Variants in CPA6 observed in about 807,000 individuals in gnomAD.
The protein encoded by CPA6 is carboxypeptidase B.
Under a neutral mutation model 63.3 loss-of-function variants are expected in CPA6, and 58 were observed. The ratio of observed to expected loss-of-function variants is 0.92; its 90% confidence interval spans 0.74 to 1.14. The LOEUF is 1.14. Among genes scored for constraint, CPA6 ranks in the 50% most tolerant of loss-of-function variants. The pLI is 0.00. For synonymous variants in CPA6, 185 were observed against 179.0 expected (o/e 1.03, Z -0.27); for missense variants, 565 against 526.6 (o/e 1.07, Z -0.71).
At chr8:67,620,424 TG>T (rs1278878449) in intron 2 of CPA6, among the ~76,000 whole-genome samples, 4 of 152,148 alleles carry the variant, frequency 2.6e-5, no homozygotes, top group African/African-American at 9.7e-5. Flanking sequence ...ATAGAAATCT[TG>T]GGGCTATCTT....
chr8:67,622,777 G>A (rs114692969), intron 2 of CPA6, among the ~76,000 whole-genome samples: 2,083 of 152,252 alleles, frequency 0.014, 47 homozygotes, highest in African/African-American at 0.047. Flanking sequence ...CTTCAGTCAT[G>A]TAGGAAAAAA....
At chr8:67,679,101 T>C (rs1283612061) in intron 1 of CPA6, among the ~76,000 whole-genome samples, 3 of 152,218 alleles carry the variant, frequency 2.0e-5, no homozygotes, top group Non-Finnish European at 4.4e-5. Flanking sequence ...TTGGTACTGG[T>C]AATGTTCTGT....
chr8:67,641,175 C>A (rs1815584696), intron 1 of CPA6, among the ~76,000 whole-genome samples: 1 of 151,758 alleles, frequency 6.6e-6, no homozygotes, highest in Admixed American at 6.5e-5. Context: ...CTAAATTCTG[C>A]CATTACAGAG....
intron 2 of CPA6, among the ~76,000 whole-genome samples, chr8:67,545,961 C>A (rs1812810310): frequency 6.6e-6 from 1 of 152,148 alleles, no homozygotes; most frequent in Admixed American, 6.5e-5. Flanking sequence ...CATCTGAGCT[C>A]TCTGGTCATG....
chr8:67,570,566 G>A (rs1813461536), intron 2 of CPA6, among the ~76,000 whole-genome samples: 1 of 152,192 alleles, frequency 6.6e-6, no homozygotes, highest in African/African-American at 2.4e-5. Context: ...AACATAAAAT[G>A]TGGGAGGGGA....
At chr8:67,605,372 C>T (rs1013636766) in intron 2 of CPA6, among the ~76,000 whole-genome samples, 1 of 152,130 alleles carries the variant, frequency 6.6e-6, no homozygotes, top group Non-Finnish European at 1.5e-5. Flanking sequence ...TGCAGATGCT[C>T]AAGTTCCTGA....
chr8:67,672,858 A>C (rs1049374955), intron 1 of CPA6, among the ~76,000 whole-genome samples: 1 of 152,156 alleles, frequency 6.6e-6, no homozygotes, highest in African/African-American at 2.4e-5. Flanking sequence ...CATTAGCTTT[A>C]AGCTTCTAGG....
chr8:67,518,679 G>C (rs566808832), intron 2 of CPA6, among the ~76,000 whole-genome samples: 1 of 151,400 alleles, frequency 6.6e-6, no homozygotes, highest in Non-Finnish European at 1.5e-5. Flanking sequence ...GCTAATTTTT[G>C]TATTTTTTTT....
chr8:67,624,153 T>C, intron 2 of CPA6, 23 bp downstream of exon 2: 1 of 1,356,790 alleles, frequency 7.4e-7, no homozygotes, highest in Non-Finnish European at 1.1e-6. Flanking sequence ...AATTCTACCA[T>C]AAGTGTGTAG....
At chr8:67,624,114 G>T in intron 2 of CPA6, 62 bp downstream of exon 2, 3 of 990,698 alleles carry the variant, frequency 3.0e-6, no homozygotes, top group South Asian at 1.4e-5. Context: ...ACTCCAGTCA[G>T]CAAATCCCTG....
At chr8:67,643,716 G>C (rs1489998584) in intron 1 of CPA6, among the ~76,000 whole-genome samples, 4 of 152,094 alleles carry the variant, frequency 2.6e-5, no homozygotes, top group African/African-American at 9.7e-5. Flanking sequence ...GGTGTTTGTT[G>C]TATAATTATT....
chr8:67,630,414 C>A (rs1332782686), intron 1 of CPA6, among the ~76,000 whole-genome samples: 1 of 152,092 alleles, frequency 6.6e-6, no homozygotes, highest in African/African-American at 2.4e-5. Flanking sequence ...GCCAACTCCT[C>A]ACAGACAGTG....
chr8:67,476,256 G>A (rs1811234659), intron 8 of CPA6, among the ~76,000 whole-genome samples: 1 of 152,038 alleles, frequency 6.6e-6, no homozygotes, highest in Non-Finnish European at 1.5e-5. Flanking sequence ...GCCCACCTCA[G>A]CCTCCCAAAG....
intron 8 of CPA6, among the ~76,000 whole-genome samples, chr8:67,440,528 G>C (rs1162215420): frequency 1.3e-5 from 2 of 152,084 alleles, no homozygotes; most frequent in Non-Finnish European, 2.9e-5. Flanking sequence ...CCAAGATCGT[G>C]CCACTGTACT....
chr8:67,535,533 C>G (rs1020298149), intron 2 of CPA6, among the ~76,000 whole-genome samples: 2 of 152,104 alleles, frequency 1.3e-5, no homozygotes, highest in African/African-American at 2.4e-5. Context: ...CTGTTCATAT[C>G]CTTTGCCCAC....
chr8:67,568,086 C>T (rs113936515), intron 2 of CPA6, among the ~76,000 whole-genome samples: 136 of 152,306 alleles, frequency 8.9e-4, no homozygotes, highest in African/African-American at 3.1e-3. Context: ...TGAAAGCAAA[C>T]TCTGTCTGCC....
intron 1 of CPA6, among the ~76,000 whole-genome samples, chr8:67,675,285 C>T (rs1816445299): frequency 6.6e-6 from 1 of 152,160 alleles, no homozygotes; most frequent in African/African-American, 2.4e-5. Flanking sequence ...TCTCCCAACG[C>T]TGGGCTGGTT....
At chr8:67,647,509 G>T (rs926013115) in intron 1 of CPA6, among the ~76,000 whole-genome samples, 40 of 152,048 alleles carry the variant, frequency 2.6e-4, no homozygotes, top group African/African-American at 8.9e-4. Context: ...TTAATTTGAG[G>T]TGTTGCAGCT....
intron 2 of CPA6, among the ~76,000 whole-genome samples, chr8:67,529,799 A>G (rs1000411682): frequency 1.1e-4 from 17 of 152,154 alleles, no homozygotes; most frequent in Non-Finnish European, 2.2e-4. Context: ...GGGTGGCCCA[A>G]TGATCCAATC....
Sources: gnomAD v4.1 joint callset for allele counts (sites outside exome capture counted in the v4.1 genomes callset) on GRCh38, gnomAD v4.1.1 for gene constraint, MANE v1.5 for transcripts, NCBI Gene and HGNC (gene_info 2026-07-23, HGNC 2026-07-21) for gene names.